SYT12: variants seen among roughly 807,000 people sequenced by gnomAD.
SYT12 encodes the protein synaptotagmin-12.
In SYT12, 27 loss-of-function variants were observed where a neutral mutation model predicts 39.5. The observed-to-expected ratio is 0.68, with a 90% CI of 0.50 to 0.94. SYT12 has a LOEUF of 0.94. SYT12 is among the 40% of genes least tolerant of loss of function. SYT12 has a pLI of 0.00. For synonymous variants in SYT12, 233 were observed against 239.7 expected, an observed-to-expected ratio of 0.97 and a Z score of 0.26; for missense variants, 536 against 572.6, an observed-to-expected ratio of 0.94 and a Z score of 0.65.
chr11:67,045,534 C>A, intron 6 of SYT12: 2 of 686,288 alleles, frequency 2.9e-6, no homozygotes, highest in Non-Finnish European at 4.7e-6. Context: ...TGCCTGAGCA[C>A]AAAGCCCAGC....
chr11:67,034,692 G>T lies in SYT12; in HGVS notation c.82G>T (p.Ala28Ser). 1 of 1,603,074 alleles carries T rather than the reference G, an allele frequency of 6.2e-7. No individual in the cohort carries two copies. The highest frequency in any genetic ancestry group is 8.5e-7 in the Non-Finnish European group (1 of 1,175,680). Residue 28 changes from alanine (A) to serine (S), a missense_variant, in exon 3 of 8, where the codon GCC becomes TCC. Ala to Ser is a moderately conservative substitution (Grantham distance 99). Transcript: ENST00000527043. ...GGAGGTGGGTGTCTATGCTGCAGGGGCCCTGGCCCTGCTGGGAATCGCAGC... is the reference window on the plus strand; with the variant it reads ...GGAGGTGGGTGTCTATGCTGCAGGGTCCCTGGCCCTGCTGGGAATCGCAGC... Reference protein sequence around the residue: ...GWEVGVYAAGALALLGIAAVS... With the variant: ...GWEVGVYAAGSLALLGIAAVS...
intron 6 of SYT12, among the ~76,000 whole-genome samples, chr11:67,044,939 G>A (rs1303088980): frequency 6.6e-6 from 1 of 152,146 alleles, no homozygotes; most frequent in South Asian, 2.1e-4. Flanking sequence ...AGGGGCCCCT[G>A]TGAGGGCAGA....
In SYT12 at chr11:67,046,808, C is replaced by T. The variant is rs141691840; in HGVS notation, c.1092+931C>T. 8.1e-3 allele frequency among the ~76,000 whole-genome samples: 1,234 copies of T among 152,286 alleles called. 11 individuals carry two copies. The highest frequency in any genetic ancestry group is 0.014 in the Middle Eastern group (4 of 294). On this transcript the variant is annotated intron_variant, in intron 7 of 7. Transcript: ENST00000527043. ...CGGGCTGGGTTTGAGTTTCAGCTCC[C>T]GCTCTCATCTCAAGCAGTCTCTCCC...
chr11:67,047,517 C>A (rs1854595828), intron 7 of SYT12, among the ~76,000 whole-genome samples: 1 of 150,190 alleles, frequency 6.7e-6, no homozygotes, highest in African/African-American at 2.4e-5. Flanking sequence ...ATCTGCCTGC[C>A]TCGGCCTCCC....
intron 1 of SYT12, chr11:67,029,853 AAAAAC>A (rs1256615596): frequency 6.0e-5 from 24 of 396,964 alleles, no homozygotes; most frequent in Non-Finnish European, 9.0e-5. Flanking sequence ...CTCCATCTGA[AAAAAC>A]AAAACAAAAC....
chr11:67,012,800 A>ACAGCAC (rs1174459695), intron 3 of SYT12, among the ~76,000 whole-genome samples: 65 of 152,316 alleles, frequency 4.3e-4, no homozygotes, highest in Admixed American at 7.2e-4. Flanking sequence ...GAAGGTAAGA[A>ACAGCAC]ACTAATCCAA....
In SYT12 at chr11:67,044,637, C is replaced by G. The variant is rs762496566; in HGVS notation, c.882C>G (p.Leu294=). 2 of 1,613,440 alleles carry G rather than the reference C, an allele frequency of 1.2e-6. No individual in the cohort carries two copies. Among genetic ancestry groups the G allele is most frequent in the African/African-American group, 1.3e-5 (1 of 74,932 alleles). ...AGATCCTGCTCTCCCTCAGCTACCT[C>G]CCCACAGCCGAGCGCCTCACCGTGG... ...VGEILLSLSY[L]PTAERLTVVV... is the part of the protein sequence containing the mutation. The change falls in exon 6 of 8, where the codon CTC becomes CTG. Residue 294 remains leucine, a synonymous_variant. Transcript: ENST00000527043.
rs1950579945 is a variant in SYT12, at chr11:67,044,672, A to C, written c.917A>C (p.Lys306Thr). ...GAGCGCCTCACCGTGGTCGTGGTTAAGGCCAAGAACCTCATCTGGACCAAC... is the reference window on the plus strand; with the variant it reads ...GAGCGCCTCACCGTGGTCGTGGTTACGGCCAAGAACCTCATCTGGACCAAC... ...TAERLTVVVV[K>T]AKNLIWTNDK... The change falls in exon 6 of 8, where the codon AAG becomes ACG. Residue 306 changes from lysine to threonine, a missense_variant. Transcript: ENST00000527043. 1 of 1,613,748 alleles carries C rather than the reference A, an allele frequency of 6.2e-7. No homozygotes were observed. The highest frequency in any genetic ancestry group is 8.5e-7 in the Non-Finnish European group (1 of 1,179,996).
chr11:67,037,895 A>AC (rs1950413874), intron 3 of SYT12, among the ~76,000 whole-genome samples: 1 of 150,940 alleles, frequency 6.6e-6, no homozygotes, highest in East Asian at 1.9e-4. Flanking sequence ...AAAAAAAAAA[A>AC]AGAAAAAAAA....
At chr11:67,033,056 A>G (rs1165155730) in intron 2 of SYT12, among the ~76,000 whole-genome samples, 1 of 152,158 alleles carries the variant, frequency 6.6e-6, no homozygotes. Flanking sequence ...AGGGCAGGCT[A>G]GAGGGGCTGC....
intron 1 of SYT12, among the ~76,000 whole-genome samples, chr11:67,026,063 ATAAAT>A (rs1950176650): frequency 6.6e-6 from 1 of 152,044 alleles, no homozygotes; most frequent in Non-Finnish European, 1.5e-5. Context: ...TCTCAAAAAA[ATAAAT>A]TAATTAAAAA....
intron 1 of SYT12, among the ~76,000 whole-genome samples, chr11:67,024,775 T>A (rs1950159016): frequency 1.3e-5 from 2 of 152,140 alleles, no homozygotes; most frequent in Non-Finnish European, 2.9e-5. Flanking sequence ...AACCTAAAGA[T>A]CCTGAAGAGG....
chr11:67,018,341 A>G (rs1950075502), upstream of SYT12, among the ~76,000 whole-genome samples: 2 of 151,974 alleles, frequency 1.3e-5, no homozygotes, highest in South Asian at 4.2e-4. Context: ...CCTGCTCCAC[A>G]AGGAGCAGTA....
rs747481074 is a variant in SYT12 at position 67,034,747 on chromosome 11, G to C, written c.137G>C (p.Gly46Ala). 1.2e-6 allele frequency: 2 copies of C among 1,603,412 alleles called. No individual in the cohort carries two copies. Among genetic ancestry groups the C allele is most frequent in the South Asian group, 2.2e-5 (2 of 89,342 alleles). The change falls in exon 3 of 8, where the codon GGG becomes GCG. Residue 46 changes from glycine (G) to alanine (A), a missense_variant. Physicochemically the swap from Gly to Ala is moderately conservative, Grantham distance 60. Transcript: ENST00000527043. The stretch of plus-strand genomic sequence containing the variant: ...AGCCTGTGGAAGCTCTGGACGTCGG[G>C]GAGCTTCCCCAGCCCCTCTCCGTTC... Reference protein sequence around the residue: ...AVSLWKLWTSGSFPSPSPFPN... With the variant: ...AVSLWKLWTSASFPSPSPFPN...
intron 7 of SYT12, among the ~76,000 whole-genome samples, chr11:67,046,453 T>C (rs2136234331): frequency 6.6e-6 from 1 of 152,230 alleles, no homozygotes; most frequent in Non-Finnish European, 1.5e-5. Context: ...TCCTCGGCAC[T>C]CCTGACAATG....
intron 4 of SYT12, among the ~76,000 whole-genome samples, chr11:67,043,188 C>T (rs1950547339): frequency 6.6e-6 from 1 of 152,220 alleles, no homozygotes; most frequent in African/African-American, 2.4e-5. Flanking sequence ...CCCTTCCATC[C>T]ACCCATCCAG....
intron 1 of SYT12, chr11:67,028,670 G>C (rs1370544865): frequency 1.3e-5 from 2 of 152,230 alleles, no homozygotes; most frequent in African/African-American, 2.4e-5. Flanking sequence ...GCTCCGAGGG[G>C]TTGGGAATTG....
rs971637308 is a variant in SYT12, at chr11:67,023,243, C to A, written c.-241C>A. ...AGCGCGAGGGAGCGCGCGGCGGGCT[C>A]CTGGGAGCGTGCCCGGACTGCGGCG... On this transcript the variant is annotated 5_prime_UTR_variant, in exon 1 of 8. Transcript: ENST00000527043. 6.6e-6 allele frequency: 1 copy of A among 150,876 alleles called. No individual in the cohort carries two copies. The highest frequency in any genetic ancestry group is 1.5e-5 in the Non-Finnish European group (1 of 67,662). The allele number at this position is 150,876 out of a possible 1,614,324, so 9.3% of individuals were successfully genotyped here.
intron 3 of SYT12, 95 bp from the exon 4 acceptor site, chr11:67,039,716 G>T (rs535986407): frequency 9.1e-6 from 13 of 1,430,580 alleles, no homozygotes; most frequent in South Asian, 1.4e-5. Flanking sequence ...TTGGAGATTC[G>T]AGAATGAACA....
Sources: gnomAD v4.1 joint callset for allele counts (sites outside exome capture counted in the v4.1 genomes callset) on GRCh38, gnomAD v4.1.1 for gene constraint, MANE v1.5 for transcripts, NCBI Gene and HGNC (gene_info 2026-07-23, HGNC 2026-07-21) for gene names.